The following CFAP47 variants were observed in gnomAD, a reference collection of about 807,000 sequenced individuals.
CFAP47 encodes cilia and flagella associated protein 47, also known as cilia- and flagella-associated protein 47.
In CFAP47, 29 loss-of-function variants were observed where a neutral mutation model predicts 148.1. The ratio of observed to expected loss-of-function variants is 0.20; its 90% CI spans 0.15 to 0.27. CFAP47 has a LOEUF of 0.27. Among genes scored for constraint, CFAP47 ranks in the 10% least tolerant of loss-of-function variants. The pLI, the probability that CFAP47 is intolerant of heterozygous loss-of-function variation, is 1.00. For missense variants in CFAP47, 1,872 were observed against 1,697.5 expected, an observed-to-expected ratio of 1.10 and a Z score of -1.81; for synonymous variants, 664 against 577.3, an observed-to-expected ratio of 1.15 and a Z score of -2.15.
At chrX:36,032,272 C>A (rs1937288377) in intron 23 of CFAP47, among the ~76,000 whole-genome samples, 1 of 109,707 alleles carries the variant, frequency 9.1e-6, no homozygotes, top group Non-Finnish European at 1.9e-5. Context: ...AGCATTCTCT[C>A]TTTTGAGGAG....
intron 29 of CFAP47, among the ~76,000 whole-genome samples, chrX:36,075,428 A>C (rs1051153393): frequency 1.8e-5 from 2 of 110,617 alleles, no homozygotes; most frequent in Non-Finnish European, 3.8e-5. Flanking sequence ...GGGTTTCACT[A>C]TGTTGGCCAG....
At chrX:36,240,482 C>T (rs781863193) in intron 48 of CFAP47, among the ~76,000 whole-genome samples, 2 of 111,007 alleles carry the variant, frequency 1.8e-5, no homozygotes, top group Non-Finnish European at 3.8e-5. Flanking sequence ...TTGACGAGTA[C>T]AATGAGAATT....
chrX:36,330,713 C>T (rs1279930460), intron 57 of CFAP47, among the ~76,000 whole-genome samples: 4 of 111,887 alleles, frequency 3.6e-5, no homozygotes, highest in African/African-American at 6.5e-5. Flanking sequence ...TACACTTGCA[C>T]GCAAATAGCT....
In CFAP47 at chrX:36,049,568, T is replaced by G. The variant is rs186392076; in HGVS notation, c.4217+2505T>G. ...GTTCCACATATAGTAATGATAGAAT[T>G]ACAGTCTACTCAATAAGTACTGAGG... On this transcript the variant is annotated intron_variant, in intron 26 of 63. Coordinates refer to ENST00000378653, the MANE Select transcript of CFAP47 (RefSeq NM_001304548.2). Among the ~76,000 whole-genome samples the G allele has an allele frequency of 4.3e-3, 467 of 109,841 alleles. 1 individual carries two copies. Among genetic ancestry groups the G allele is most frequent in the African/African-American group, 0.015 (442 of 30,286 alleles).
chrX:36,066,107 G>C (rs1937636944), intron 27 of CFAP47, among the ~76,000 whole-genome samples: 2 of 111,821 alleles, frequency 1.8e-5, no homozygotes, highest in Admixed American at 1.9e-4. Flanking sequence ...TGGGATGTGT[G>C]ATGAATTAAA....
At chrX:36,028,481 G>A (rs1937246098) in intron 22 of CFAP47, among the ~76,000 whole-genome samples, 1 of 111,186 alleles carries the variant, frequency 9.0e-6, no homozygotes, top group Admixed American at 9.6e-5. Context: ...GATGATAATT[G>A]ATTCTTCTAA....
intron 51 of CFAP47, among the ~76,000 whole-genome samples, chrX:36,293,536 G>C (rs1394287782): frequency 5.4e-5 from 6 of 111,922 alleles, no homozygotes; most frequent in African/African-American, 1.9e-4. Context: ...AGAAAGCAGA[G>C]AGAAGAGAAT....
chrX:35,967,586 C>A, intron 9 of CFAP47, 33 bp from the exon 10 acceptor site: 1 of 1,031,356 alleles, frequency 9.7e-7, no homozygotes, highest in Non-Finnish European at 1.3e-6. Context: ...ATTAAAAATA[C>A]CATCTATAAA....
intron 60 of CFAP47, among the ~76,000 whole-genome samples, chrX:36,359,097 C>T (rs1941807381): frequency 8.9e-6 from 1 of 111,912 alleles, no homozygotes; most frequent in Non-Finnish European, 1.9e-5. Context: ...TTAATATTTG[C>T]TGAATGAATA....
chrX:36,199,060 C>T (rs781955645), intron 42 of CFAP47, among the ~76,000 whole-genome samples: 6 of 111,798 alleles, frequency 5.4e-5, no homozygotes, highest in Admixed American at 1.9e-4. Context: ...TTCTTAATAT[C>T]GTCCAAACAT....
chrX:36,235,514 CG>C (rs2146908832), intron 46 of CFAP47, among the ~76,000 whole-genome samples: 1 of 112,204 alleles, frequency 8.9e-6, no homozygotes, highest in South Asian at 3.7e-4. Flanking sequence ...TTCCAGGTGC[CG>C]TCTGTCATCC....
intron 1 of CFAP47, among the ~76,000 whole-genome samples, chrX:35,924,527 G>A: frequency 1.0e-5 from 1 of 97,070 alleles, no homozygotes; most frequent in East Asian, 3.1e-4. Flanking sequence ...GTGTATATAT[G>A]CACATATATG....
chrX:36,087,034 G>T (rs1938100759), intron 30 of CFAP47, among the ~76,000 whole-genome samples: 1 of 111,202 alleles, frequency 9.0e-6, no homozygotes, highest in Non-Finnish European at 1.9e-5. Flanking sequence ...CAGAGAAGAG[G>T]CACAGCAAAA....
intron 42 of CFAP47, among the ~76,000 whole-genome samples, chrX:36,199,654 A>G (rs1939955618): frequency 1.8e-5 from 2 of 111,697 alleles, no homozygotes; most frequent in Non-Finnish European, 3.8e-5. Flanking sequence ...TATAGAAATA[A>G]TATTGGCTAA....
Position 35,998,280 on chromosome X carries a change from G to A in CFAP47, c.3177+891G>A, listed in dbSNP as rs991683185. ...AAAATTTTGTTCTATAATTGATAGA[G>A]TGCACACACACAGACAAACACATAC... On this transcript the variant is annotated intron_variant, in intron 19 of 63. Transcript: ENST00000378653. 6.2e-4 allele frequency among the ~76,000 whole-genome samples: 69 copies of A among 111,136 alleles called. 1 individual carries two copies. The highest frequency in any genetic ancestry group is 2.2e-3 in the African/African-American group (68 of 30,590).
intron 26 of CFAP47, among the ~76,000 whole-genome samples, chrX:36,054,717 T>C (rs1937539919): frequency 8.9e-6 from 1 of 111,754 alleles, no homozygotes; most frequent in Non-Finnish European, 1.9e-5. Flanking sequence ...TTGAAAGTTA[T>C]TTAAAGATGA....
At chrX:36,297,303 T>C (rs1190675089) in intron 51 of CFAP47, among the ~76,000 whole-genome samples, 1 of 111,980 alleles carries the variant, frequency 8.9e-6, no homozygotes, top group Non-Finnish European at 1.9e-5. Context: ...AAAGCTGTAA[T>C]ATCTGCCTTG....
At chrX:35,979,302 G>T (rs1936611072) in intron 15 of CFAP47, among the ~76,000 whole-genome samples, 1 of 110,669 alleles carries the variant, frequency 9.0e-6, no homozygotes, top group Admixed American at 9.7e-5. Flanking sequence ...TATTTTCTAA[G>T]ACAGAATTCA....
chrX:36,271,053 TG>T (rs1361482392), intron 49 of CFAP47, among the ~76,000 whole-genome samples: 1 of 110,188 alleles, frequency 9.1e-6, no homozygotes, highest in Non-Finnish European at 1.9e-5. Flanking sequence ...CAAAAGAAAG[TG>T]GGTTAAAAGT....
Sources: allele counts gnomAD v4.1 joint callset (sites outside exome capture counted in the v4.1 genomes callset), GRCh38; gene constraint gnomAD v4.1.1; transcripts MANE v1.5; gene names NCBI Gene and HGNC (gene_info 2026-07-23, HGNC 2026-07-21).